GOLGA6A: variants seen among roughly 807,000 people sequenced by gnomAD.
GOLGA6A encodes the protein golgin A6 family member A.
Under a neutral mutation model 53.6 loss-of-function variants are expected in GOLGA6A, and 1 was observed. The observed-to-expected ratio is 0.02, with a 90% CI of 0.01 to 0.09. The LOEUF is 0.09. Ranked by LOEUF, GOLGA6A falls within the 10% of genes least tolerant of loss-of-function variation. The pLI is 1.00. For synonymous variants in GOLGA6A, 6 were observed against 201.8 expected, an observed-to-expected ratio of 0.03 and a Z score of 8.22; for missense variants, 23 against 509.4, an observed-to-expected ratio of 0.05 and a Z score of 9.19.
intron 13 of GOLGA6A, 102 bp from the exon 14 acceptor site, chr15:74,072,411 CT>C (rs1237885418): frequency 6.6e-7 from 1 of 1,510,664 alleles, no homozygotes; most frequent in Non-Finnish European, 9.1e-7. Context: ...GAGCCAGCCT[CT>C]CCCCAGAGGG....
chr15:74,071,994 G>A (rs1426707628), intron 14 of GOLGA6A, among the ~76,000 whole-genome samples: 1 of 151,982 alleles, frequency 6.6e-6, no homozygotes, highest in Admixed American at 6.6e-5. Context: ...TTCTTGTAGG[G>A]GCATAGACAG....
chr15:74,078,124 A>G (rs1431656734), intron 3 of GOLGA6A, among the ~76,000 whole-genome samples: 2 of 143,082 alleles, frequency 1.4e-5, no homozygotes, highest in Non-Finnish European at 2.9e-5. Flanking sequence ...CACAGCAGAT[A>G]TAGGATGGAA....
chr15:74,072,345 C>G (rs750429020), intron 13 of GOLGA6A, 36 bp from the exon 14 acceptor site: 2 of 1,611,436 alleles, frequency 1.2e-6, no homozygotes, highest in South Asian at 2.2e-5. Context: ...CTCAGACAAC[C>G]CAACAAGGGA....
At chr15:74,076,660 A>ACACC (rs1244158104) in intron 7 of GOLGA6A, among the ~76,000 whole-genome samples, 2 of 143,942 alleles carry the variant, frequency 1.4e-5, no homozygotes, top group South Asian at 4.6e-4. Flanking sequence ...ACACACACAC[A>ACACC]CCCCTTTCCT....
At chr15:74,072,384 CCTGA>C in intron 13 of GOLGA6A, 75 bp from the exon 14 acceptor site, 1 of 1,605,834 alleles carries the variant, frequency 6.2e-7, no homozygotes. Context: ...CTGTCCCCAC[CCTGA>C]CTGTGTAACC....
intron 14 of GOLGA6A, among the ~76,000 whole-genome samples, chr15:74,071,914 C>T (rs1338368973): frequency 3.3e-5 from 5 of 152,398 alleles, no homozygotes; most frequent in Middle Eastern, 3.4e-3. Context: ...CCCACATAGC[C>T]GTGCCTGCTC....
At position 74,069,904 on chromosome 15, in the gene GOLGA6A, TA is replaced by T. The variant is rs1266460204; in HGVS notation, c.*1005del. The T allele has an allele frequency of 7.6e-6, 1 of 130,900 alleles. No individual in the cohort carries two copies. The highest frequency in any genetic ancestry group is 3.0e-5 in the African/African-American group (1 of 33,026). 8.1% of individuals were successfully genotyped at this position (130,900 alleles called of 1,614,324 possible). On this transcript the variant is annotated 3_prime_UTR_variant, in exon 18 of 18. Coordinates refer to ENST00000290438, the MANE Select transcript of GOLGA6A (RefSeq NM_001038640.2). ...GTGTACTGGGACATATACTCGTGATTAAAACAGGTAACATGAACTCTGACTT... is the reference window on the plus strand; with the variant it reads ...GTGTACTGGGACATATACTCGTGATTAAACAGGTAACATGAACTCTGACTT...
intron 7 of GOLGA6A, 118 bp from the exon 8 acceptor site, chr15:74,076,103 C>T: frequency 8.9e-7 from 1 of 1,126,064 alleles, no homozygotes; most frequent in Non-Finnish European, 1.3e-6. Context: ...AGCCCGTGGC[C>T]TGGTTATTAA....
intron 7 of GOLGA6A, among the ~76,000 whole-genome samples, 167 bp from the exon 8 acceptor site, chr15:74,076,152 A>C (rs866405780): frequency 1.0e-4 from 15 of 149,988 alleles, no homozygotes; most frequent in East Asian, 4.0e-4. Flanking sequence ...GGAAAGAGAT[A>C]GAATTTACAG....
chr15:74,076,679 A>G (rs1437823964), intron 7 of GOLGA6A, among the ~76,000 whole-genome samples: 13 of 148,972 alleles, frequency 8.7e-5, no homozygotes, highest in African/African-American at 2.7e-4. Context: ...CTCTCTCTAC[A>G]GAAATGGTAA....
Position 74,074,622 on chromosome 15 carries a change from CA to C in GOLGA6A, c.1226del (p.Leu409ArgfsTer44). 1 of 421,330 alleles carries C rather than the reference CA, an allele frequency of 2.4e-6. No homozygotes were observed. Among genetic ancestry groups the C allele is most frequent in the Non-Finnish European group, 3.9e-6 (1 of 256,008 alleles). The allele number at this position is 421,330 out of a possible 1,614,324, so 26.1% of individuals were successfully genotyped here. A position where few individuals can be genotyped will look rare whatever the true frequency, so the allele number is the denominator to read the frequency against. The stretch of plus-strand genomic sequence containing the variant: ...TCCACAGCCTCTCCTCCTGGTCCCA[CA>C]GCCTCTTTTCCTGCTTTTGCAGCCT... ...EERLQKQEKRLWDQEERLWKK... is the reference protein window; with the variant it reads ...EERLQKQEKRXWDQEERLWKK... On this transcript the variant is annotated frameshift_variant, in exon 11 of 18. Transcript: ENST00000290438. LOFTEE classifies it high-confidence loss of function.
chr15:74,076,175 G>A, intron 7 of GOLGA6A, among the ~76,000 whole-genome samples, 190 bp from the exon 8 acceptor site: 1 of 147,624 alleles, frequency 6.8e-6, no homozygotes, highest in Non-Finnish European at 1.5e-5. Flanking sequence ...GGCTAACAGA[G>A]GCCCAGAGAG....
At chr15:74,076,660 A>ACACACACC (rs1244158104) in intron 7 of GOLGA6A, among the ~76,000 whole-genome samples, 4 of 143,932 alleles carry the variant, frequency 2.8e-5, no homozygotes, top group South Asian at 2.3e-4. Flanking sequence ...ACACACACAC[A>ACACACACC]CCCCTTTCCT....
chr15:74,080,907 TA>T (rs201001731), intron 1 of GOLGA6A, among the ~76,000 whole-genome samples, 172 bp from the exon 2 acceptor site: 148 of 91,668 alleles, frequency 1.6e-3, no homozygotes, highest in African/African-American at 5.4e-3. Context: ...ATATTATGGC[TA>T]AAAAAAAAAG....
At chr15:74,076,661 C>CACACACA (rs59721284) in intron 7 of GOLGA6A, among the ~76,000 whole-genome samples, 3 of 143,420 alleles carry the variant, frequency 2.1e-5, no homozygotes, top group African/African-American at 7.7e-5. Context: ...CACACACACA[C>CACACACA]CCCTTTCCTC....
At position 74,075,783 on chromosome 15, in the gene GOLGA6A, T is replaced by A. The variant is rs1595931474; in HGVS notation, c.659A>T (p.Glu220Val). ...LLNAHVTQVT[E>V]SLKQVQLERD... is the part of the protein sequence containing the mutation. ...CTCTAGCTGGACTTGTTTTAGTGAC[T>A]CTGTCACCTGCAAGAAATGGGCACA... Residue 220 changes from glutamate (E) to valine (V), a missense_variant, in exon 9 of 18, where the codon GAG becomes GTG. By Grantham distance (121) the Glu-to-Val change is moderately radical. Transcript: ENST00000290438. 6 of 1,333,590 alleles carry A rather than the reference T, an allele frequency of 4.5e-6. No homozygotes were observed. The African/African-American group carries it at 8.1e-5, about 18-fold the overall frequency. The allele number at this position is 1,333,590 out of a possible 1,614,324, so 82.6% of individuals were successfully genotyped here. A position where few individuals can be genotyped will look rare whatever the true frequency, so the allele number is the denominator to read the frequency against.
chr15:74,075,984 G>T lies in GOLGA6A; in HGVS notation c.566C>A (p.Ser189Tyr), dbSNP rs746164243. The stretch of plus-strand genomic sequence containing the variant: ...GAGGACCGCTTCTCTGCAGCTCGAG[G>T]ACTGGATGGTGAAGAGTGAGAAGTT... ...VSTQQQEEDR[S>Y]SSCREAVLQR... Residue 189 changes from serine (S) to tyrosine (Y), a missense_variant and splice_region_variant, in exon 8 of 18, where the codon TCC becomes TAC. Transcript: ENST00000290438. The T allele has an allele frequency of 1.4e-5, 22 of 1,602,354 alleles. No homozygotes were observed. The Admixed American group carries it at 3.4e-4, about 25-fold the overall frequency.
intron 14 of GOLGA6A, 136 bp downstream of exon 14, chr15:74,072,082 A>G: frequency 1.4e-6 from 1 of 719,688 alleles, no homozygotes; most frequent in South Asian, 1.7e-5. Flanking sequence ...CACAGGTGAC[A>G]AAGTGTCTGA....
In GOLGA6A at chr15:74,075,594, C is replaced by A. The variant is rs1349356194; in HGVS notation, c.759+89G>T. 1.4e-5 allele frequency: 7 copies of A among 487,786 alleles called. No homozygotes were observed. In the East Asian group the frequency reaches 2.4e-4, roughly 17 times the overall value. The allele number at this position is 487,786 out of a possible 1,614,324, so 30.2% of individuals were successfully genotyped here. ...ATCTCCACAAAGCCCAGACCCATGA[C>A]CACCTCTGGCTGTACTATTCCCATT... On this transcript the variant is annotated intron_variant, in intron 9 of 17. Coordinates refer to ENST00000290438, the MANE Select transcript of GOLGA6A (RefSeq NM_001038640.2).
Sources: allele counts gnomAD v4.1 joint callset (sites outside exome capture counted in the v4.1 genomes callset), GRCh38; gene constraint gnomAD v4.1.1; transcripts MANE v1.5; gene names NCBI Gene and HGNC (gene_info 2026-07-23, HGNC 2026-07-21).